JAM3: variants seen among roughly 807,000 people sequenced by gnomAD.
JAM3 encodes the protein junctional adhesion molecule C.
Under a neutral mutation model 39.4 loss-of-function variants are expected in JAM3, and 31 were observed. The observed-to-expected ratio is 0.79, with a 90% confidence interval of 0.59 to 1.06. The LOEUF (loss-of-function observed/expected upper bound fraction) is 1.06. Ranked by LOEUF, JAM3 falls within the 50% of genes least tolerant of loss-of-function variation. JAM3 has a pLI of 0.00. For missense variants in JAM3, 455 were observed against 391.4 expected (o/e 1.16, Z -1.37); for synonymous variants, 182 against 148.7 (o/e 1.22, Z -1.63).
chr11:134,091,447 C>T (rs1202356442), intron 1 of JAM3, among the ~76,000 whole-genome samples: 6 of 151,838 alleles, frequency 4.0e-5, no homozygotes, highest in Admixed American at 6.6e-5. Flanking sequence ...TGCAGTGAGC[C>T]GAGATCGTCC....
Position 134,081,050 on chromosome 11 carries a change from G to T in JAM3, c.76+11891G>T, listed in dbSNP as rs1941657375. On this transcript the variant is annotated intron_variant, in intron 1 of 8. Transcript: ENST00000299106. ...TTTTGCCCCTGCCCTAGAGATTTGT[G>T]CAACTTTGAACTTGAGAGAGGTGAT... Among the ~76,000 whole-genome samples the T allele has an allele frequency of 3.9e-5, 6 of 152,306 alleles. 1 individual carries two copies. In the South Asian group the frequency reaches 1.2e-3, roughly 32 times the overall value.
chr11:134,089,372 A>T (rs1941801960), intron 1 of JAM3, among the ~76,000 whole-genome samples: 1 of 152,084 alleles, frequency 6.6e-6, no homozygotes. Context: ...CAGGTTAGTT[A>T]CATATGTATA....
chr11:134,111,367 C>T (rs1942306766), intron 1 of JAM3, among the ~76,000 whole-genome samples: 1 of 151,992 alleles, frequency 6.6e-6, no homozygotes, highest in Non-Finnish European at 1.5e-5. Context: ...TGGTCTCAAT[C>T]TCCTGACCTC....
intron 1 of JAM3, among the ~76,000 whole-genome samples, chr11:134,112,815 C>T (rs1398264412): frequency 2.6e-5 from 4 of 152,216 alleles, no homozygotes; most frequent in Non-Finnish European, 5.9e-5. Flanking sequence ...GCCTTCATGT[C>T]GTGTAAGAGG....
At chr11:134,080,016 A>T (rs1054453815) in intron 1 of JAM3, among the ~76,000 whole-genome samples, 15 of 152,056 alleles carry the variant, frequency 9.9e-5, no homozygotes, top group African/African-American at 3.6e-4. Flanking sequence ...TTAAATCTAC[A>T]GCTTTACTTA....
chr11:134,151,194 T>C lies in JAM3; in HGVS notation c.*2013T>C, dbSNP rs1233297028. On this transcript the variant is annotated 3_prime_UTR_variant, in exon 9 of 9. Transcript: ENST00000299106. ...GGGTTTTTTATACTTTGACAGCTTTTTTTTAATTGCATACATGAGACTGTG... is the reference window on the plus strand; with the variant it reads ...GGGTTTTTTATACTTTGACAGCTTTCTTTTAATTGCATACATGAGACTGTG... 1 of 152,276 alleles carries C rather than the reference T, an allele frequency of 6.6e-6. No homozygotes were observed. The highest frequency in any genetic ancestry group is 2.4e-5 in the African/African-American group (1 of 41,468). The allele number at this position is 152,276 out of a possible 1,614,324, so 9.4% of individuals were successfully genotyped here. A position where few individuals can be genotyped will look rare whatever the true frequency, so the allele number is the denominator to read the frequency against.
intron 1 of JAM3, among the ~76,000 whole-genome samples, chr11:134,108,326 C>T (rs1317230448): frequency 6.6e-6 from 1 of 151,634 alleles, no homozygotes; most frequent in Non-Finnish European, 1.5e-5. Context: ...AAACTCCAGG[C>T]CCAGATCACT....
chr11:134,115,890 A>G (rs470957), intron 1 of JAM3, among the ~76,000 whole-genome samples: 106,019 of 152,020 alleles, frequency 0.7, 38,472 homozygotes, highest in African/African-American at 0.91. Context: ...GAATGAGACC[A>G]TGTCTCAAAA....
intron 8 of JAM3, 123 bp downstream of exon 8, chr11:134,148,941 A>C (rs1943131776): frequency 1.0e-6 from 1 of 984,154 alleles, no homozygotes; most frequent in South Asian, 1.4e-5. Flanking sequence ...TGAGCTCCTC[A>C]GCCCCTTCAC....
chr11:134,089,262 G>C (rs550609732), intron 1 of JAM3, among the ~76,000 whole-genome samples: 1 of 152,172 alleles, frequency 6.6e-6, no homozygotes, highest in South Asian at 2.1e-4. Context: ...ATTTTGTTTG[G>C]TTGTTTAATT....
chr11:134,111,504 C>T (rs566078143), intron 1 of JAM3, among the ~76,000 whole-genome samples: 5 of 152,184 alleles, frequency 3.3e-5, no homozygotes, highest in East Asian at 1.9e-4. Flanking sequence ...TCAGTAAAAT[C>T]CTAGTGTTAA....
At chr11:134,102,448 T>C (rs1942093516) in intron 1 of JAM3, among the ~76,000 whole-genome samples, 2 of 152,048 alleles carry the variant, frequency 1.3e-5, no homozygotes, top group South Asian at 4.1e-4. Flanking sequence ...ATTCTAAAAA[T>C]CAGAGCGCTT....
At chr11:134,124,460 T>G in intron 1 of JAM3, 1 of 485,030 alleles carries the variant, frequency 2.1e-6, no homozygotes, top group Non-Finnish European at 3.7e-6. Flanking sequence ...CAGTGTTTTC[T>G]CTATTCAACT....
chr11:134,123,867 C>G lies in JAM3; in HGVS notation c.77-15984C>G, dbSNP rs986329284. The stretch of plus-strand genomic sequence containing the variant: ...CCCGTTGGTATCTCTGAAGCGTAAT[C>G]ACATCTTAGGTCAGTATTTCTCCAA... On this transcript the variant is annotated intron_variant, in intron 1 of 8. Coordinates refer to ENST00000299106, the MANE Select transcript of JAM3 (RefSeq NM_032801.5). The G allele has an allele frequency of 2.1e-5, 18 of 848,504 alleles. No homozygotes were observed. In the Admixed American group the frequency reaches 3.1e-4, roughly 14 times the overall value. 52.6% of individuals were successfully genotyped at this position (848,504 alleles called of 1,614,324 possible).
Position 134,076,833 on chromosome 11 carries a change from C to CTTT in JAM3, c.76+7692_76+7694dup, listed in dbSNP as rs71038556. 6.2e-4 allele frequency among the ~76,000 whole-genome samples: 73 copies of CTTT among 118,512 alleles called. 9 individuals carry two copies. The highest frequency in any genetic ancestry group is 1.6e-3 in the African/African-American group (49 of 29,822). 77.7% of individuals were successfully genotyped at this position (118,512 alleles called of 152,430 possible). ...TTTGCAATCTCACTAACATCTATTG[C>CTTT]TTTTTTTTTTTTTTTTTTTTGAGAT... On this transcript the variant is annotated intron_variant, in intron 1 of 8. Coordinates refer to ENST00000299106, the MANE Select transcript of JAM3 (RefSeq NM_032801.5).
intron 1 of JAM3, among the ~76,000 whole-genome samples, chr11:134,113,742 G>C (rs1470658850): frequency 6.6e-6 from 1 of 152,206 alleles, no homozygotes; most frequent in Non-Finnish European, 1.5e-5. Context: ...GGTATTTCTA[G>C]TTCTAGATCC....
chr11:134,089,442 C>T (rs1941803085), intron 1 of JAM3, among the ~76,000 whole-genome samples: 1 of 152,192 alleles, frequency 6.6e-6, no homozygotes, highest in South Asian at 2.1e-4. Context: ...GATATATCTC[C>T]AAATGCTATC....
intron 6 of JAM3, among the ~76,000 whole-genome samples, chr11:134,147,234 AC>A (rs897251582): frequency 6.6e-6 from 1 of 151,760 alleles, no homozygotes; most frequent in Non-Finnish European, 1.5e-5. Flanking sequence ...CGGGTGGATC[AC>A]CTGAGGTCAG....
intron 1 of JAM3, among the ~76,000 whole-genome samples, chr11:134,099,075 C>A (rs1044460991): frequency 6.6e-6 from 1 of 152,102 alleles, no homozygotes; most frequent in Admixed American, 6.6e-5. Context: ...TGGTGCATGC[C>A]TGTAGTCCTT....
Sources: allele counts gnomAD v4.1 joint callset (sites outside exome capture counted in the v4.1 genomes callset), GRCh38; gene constraint gnomAD v4.1.1; transcripts MANE v1.5; gene names NCBI Gene and HGNC (gene_info 2026-07-23, HGNC 2026-07-21).